DPP10: variants seen among roughly 807,000 people sequenced by gnomAD.
The protein encoded by DPP10 is inactive dipeptidyl peptidase 10.
DPP10 carries 33 observed loss-of-function variants against 120.9 expected under a neutral mutation model. That is an observed-to-expected ratio of 0.27 (90% CI 0.21 to 0.37). The LOEUF (loss-of-function observed/expected upper bound fraction) is 0.37. Ranked by LOEUF, DPP10 falls within the 10% of genes least tolerant of loss-of-function variation. The pLI is 1.00. For missense variants in DPP10, 816 were observed against 942.8 expected, an observed-to-expected ratio of 0.87 and a Z score of 1.76; for synonymous variants, 337 against 326.1, an observed-to-expected ratio of 1.03 and a Z score of -0.36.
chr2:115,777,888 A>G, intron 15 of DPP10, 54 bp downstream of exon 15: 2 of 1,557,338 alleles, frequency 1.3e-6, no homozygotes, highest in Admixed American at 1.8e-5. Flanking sequence ...ATGGCTATCT[A>G]TGTAGCATAA....
chr2:115,001,628 T>A (rs1405330972), intron 1 of DPP10, among the ~76,000 whole-genome samples: 1 of 152,200 alleles, frequency 6.6e-6, no homozygotes, highest in Non-Finnish European at 1.5e-5. Flanking sequence ...GACATGATTC[T>A]ATAGCTAGGA....
At chr2:115,230,799 A>G (rs148425300) in intron 1 of DPP10, among the ~76,000 whole-genome samples, 1 of 152,198 alleles carries the variant, frequency 6.6e-6, no homozygotes, top group African/African-American at 2.4e-5. Flanking sequence ...AGAAAAATCC[A>G]TAGTATTCTA....
At chr2:115,666,468 A>T (rs917661514) in intron 5 of DPP10, among the ~76,000 whole-genome samples, 9 of 151,970 alleles carry the variant, frequency 5.9e-5, no homozygotes, top group African/African-American at 2.2e-4. Flanking sequence ...TCCCACCAGG[A>T]CCCTCCCTTA....
chr2:115,421,606 C>T (rs931438099), intron 3 of DPP10, among the ~76,000 whole-genome samples: 2 of 152,036 alleles, frequency 1.3e-5, no homozygotes, highest in Admixed American at 1.3e-4. Flanking sequence ...GGTGCAGTGG[C>T]TCATGCCTGT....
chr2:115,459,938 T>TATATATATATATATATATACACACACAC (rs66927327), intron 3 of DPP10, among the ~76,000 whole-genome samples: 3 of 128,504 alleles, frequency 2.3e-5, no homozygotes, highest in African/African-American at 5.5e-5. Context: ...TATATATATA[T>TATATATATATATATATATACACACACAC]ACACACACAC....
intron 1 of DPP10, among the ~76,000 whole-genome samples, chr2:114,684,483 G>C (rs1273055936): frequency 2.6e-5 from 4 of 151,998 alleles, no homozygotes; most frequent in Non-Finnish European, 5.9e-5. Context: ...CCCTCCCTTT[G>C]GGCTGGTTTT....
chr2:115,373,582 GA>G (rs2065570060), intron 3 of DPP10, among the ~76,000 whole-genome samples: 1 of 151,896 alleles, frequency 6.6e-6, no homozygotes, highest in Non-Finnish European at 1.5e-5. Flanking sequence ...AAAATAAGTG[GA>G]AAAACTCGAA....
In DPP10 at chr2:115,292,719, A is replaced by G. The variant is rs192202206; in HGVS notation, c.61-16520A>G. On this transcript the variant is annotated intron_variant, in intron 1 of 25. Transcript: ENST00000410059. The stretch of plus-strand genomic sequence containing the variant: ...TATTGTTGTTGTTATTGATGATGCT[A>G]TTGGTTTACCAAAAATAATTTCCTG... Among the ~76,000 whole-genome samples the G allele has an allele frequency of 7.0e-4, 107 of 152,258 alleles. 1 individual carries two copies. The East Asian group carries it at 0.016, about 22-fold the overall frequency.
At chr2:115,301,387 C>T (rs1425714222) in intron 1 of DPP10, among the ~76,000 whole-genome samples, 1 of 151,816 alleles carries the variant, frequency 6.6e-6, no homozygotes, top group Non-Finnish European at 1.5e-5. Context: ...CTCAGGCAGC[C>T]CACAGACAGG....
chr2:114,820,230 T>A lies in DPP10; in HGVS notation c.60+377392T>A, dbSNP rs144687798. Reference sequence around the variant, plus strand: ...CTCAACAACATCTCATGAGATAATATTATTATCACCATTTTACAGATGAAG... The same window carrying A: ...CTCAACAACATCTCATGAGATAATAATATTATCACCATTTTACAGATGAAG... On this transcript the variant is annotated intron_variant, in intron 1 of 25. Transcript: ENST00000410059. Among the ~76,000 whole-genome samples, 1,020 of 152,240 alleles carry A rather than the reference T, an allele frequency of 6.7e-3. 2 individuals carry two copies. The highest frequency in any genetic ancestry group is 0.011 in the Non-Finnish European group (735 of 68,018).
intron 12 of DPP10, 133 bp from the exon 13 acceptor site, chr2:115,768,164 T>C (rs991556204): frequency 1.4e-6 from 1 of 705,220 alleles, no homozygotes; most frequent in Non-Finnish European, 2.2e-6. Context: ...TTCATTTTTT[T>C]AAAATAATGT....
At chr2:115,415,599 T>G (rs968850722) in intron 3 of DPP10, among the ~76,000 whole-genome samples, 3 of 151,986 alleles carry the variant, frequency 2.0e-5, no homozygotes, top group African/African-American at 7.2e-5. Flanking sequence ...TAATTGCACT[T>G]CTCTTTACCA....
chr2:114,748,404 A>AT (rs1411494128), intron 1 of DPP10, among the ~76,000 whole-genome samples: 4 of 111,836 alleles, frequency 3.6e-5, no homozygotes. Context: ...ATTTATTTTA[A>AT]ATTTTTTTTT....
At chr2:115,291,340 C>T (rs2060645880) in intron 1 of DPP10, among the ~76,000 whole-genome samples, 1 of 151,970 alleles carries the variant, frequency 6.6e-6, no homozygotes, top group African/African-American at 2.4e-5. Context: ...TTCCCTGTTT[C>T]CCGGACTAAA....
At chr2:114,949,942 C>T (rs1306156272) in intron 1 of DPP10, among the ~76,000 whole-genome samples, 1 of 152,118 alleles carries the variant, frequency 6.6e-6, no homozygotes, top group Non-Finnish European at 1.5e-5. Flanking sequence ...GTGGCATCTC[C>T]TTTAAGATAG....
At chr2:115,425,606 T>C (rs1342542292) in intron 3 of DPP10, among the ~76,000 whole-genome samples, 2 of 152,186 alleles carry the variant, frequency 1.3e-5, no homozygotes, top group African/African-American at 4.8e-5. Context: ...TCCACCTAAA[T>C]GAAGCACATG....
chr2:115,676,040 C>A (rs1486887325), intron 5 of DPP10, among the ~76,000 whole-genome samples: 1 of 152,146 alleles, frequency 6.6e-6, no homozygotes, highest in Non-Finnish European at 1.5e-5. Context: ...AGCTTTCCCC[C>A]GGACGGAGAA....
intron 1 of DPP10, among the ~76,000 whole-genome samples, chr2:114,885,233 G>T (rs993037210): frequency 2.0e-5 from 3 of 152,104 alleles, no homozygotes. Context: ...GCCAAAGGGG[G>T]AACAATCATG....
At chr2:115,433,617 C>G (rs1397471636) in intron 3 of DPP10, among the ~76,000 whole-genome samples, 1 of 151,938 alleles carries the variant, frequency 6.6e-6, no homozygotes. Flanking sequence ...GTTTAACACT[C>G]TCTTGATTTC....
Sources: gnomAD v4.1 joint callset for allele counts (sites outside exome capture counted in the v4.1 genomes callset) on GRCh38, gnomAD v4.1.1 for gene constraint, MANE v1.5 for transcripts, NCBI Gene and HGNC (gene_info 2026-07-23, HGNC 2026-07-21) for gene names.